Variants in MED22 observed in about 807,000 individuals in gnomAD.
MED22 encodes mediator complex subunit 22, also known as mediator of RNA polymerase II transcription subunit 22.
In MED22, 22 loss-of-function variants were observed where a neutral mutation model predicts 22.7. The ratio of observed to expected loss-of-function variants is 0.97; its 90% CI spans 0.69 to 1.38. The LOEUF is 1.38. Among genes scored for constraint, MED22 ranks in the 40% most tolerant of loss-of-function variants. The pLI, the probability that MED22 is intolerant of heterozygous loss-of-function variation, is 0.00. For synonymous variants in MED22, 134 were observed against 119.4 expected, an observed-to-expected ratio of 1.12 and a Z score of -0.80; for missense variants, 247 against 263.0, an observed-to-expected ratio of 0.94 and a Z score of 0.42.
Position 133,344,298 on chromosome 9 carries a change from G to A in MED22, c.240C>T (p.Ser80=), listed in dbSNP as rs2129961312. 3.3e-5 allele frequency: 54 copies of A among 1,614,046 alleles called. No homozygotes were observed. The Admixed American group carries it at 8.0e-4, about 24-fold the overall frequency. Residue 80 remains serine (S), a synonymous_variant, in exon 4 of 5, where the codon TCC becomes TCT. Transcript: ENST00000343730. ...RAGESLMKLV[S]DLKQFLILND... ...TGAGGATCAGGAACTGCTTGAGGTC[G>A]GACACCAGCTTCATCAGGGACTCGC...
chr9:133,343,497 C>G, intron 4 of MED22: 1 of 1,235,938 alleles, frequency 8.1e-7, no homozygotes, highest in Admixed American at 4.0e-5. Context: ...CTTCTGCATC[C>G]CTGGGACCCA....
Position 133,341,338 on chromosome 9 carries a change from C to T in MED22, c.*167G>A. 1.6e-6 allele frequency: 1 copy of T among 627,274 alleles called. No individual in the cohort carries two copies. The highest frequency in any genetic ancestry group is 2.5e-6 in the Non-Finnish European group (1 of 395,916). 38.9% of individuals were successfully genotyped at this position (627,274 alleles called of 1,614,324 possible). On this transcript the variant is annotated 3_prime_UTR_variant, in exon 5 of 5. Transcript: ENST00000343730. ...AGGGAAACAACTGTTTCCCTACTGT[C>T]CTGGCGGGACCCACCCTGGGCTAAC...
chr9:133,343,710 C>G (rs1481456194), intron 4 of MED22: 1 of 1,294,942 alleles, frequency 7.7e-7, no homozygotes, highest in African/African-American at 1.5e-5. Flanking sequence ...AGGTGTGGAC[C>G]TGACTGCCCA....
chr9:133,347,974 G>A lies in MED22; in HGVS notation c.-91C>T. 1 of 492,360 alleles carries A rather than the reference G, an allele frequency of 2.0e-6. No individual in the cohort carries two copies. Among genetic ancestry groups the A allele is most frequent in the South Asian group, 2.1e-5 (1 of 48,720 alleles). 30.5% of individuals were successfully genotyped at this position (492,360 alleles called of 1,614,324 possible). On this transcript the variant is annotated 5_prime_UTR_variant, in exon 1 of 5. Transcript: ENST00000343730. ...CGCGTCCGCCGGGTCGGCCTAGGGC[G>A]GGGTGGTCAAGTGCCTCTGCGACCC...
rs890142010 is a variant in MED22 at position 133,340,356 on chromosome 9, C to T, written c.*1149G>A. On this transcript the variant is annotated 3_prime_UTR_variant, in exon 5 of 5. Coordinates refer to ENST00000343730, the MANE Select transcript of MED22 (RefSeq NM_133640.5). ...TCCCCAAGGCTGGATCCTGGGCTGT[C>T]ACCTCATTCATACATCGGGAAAGAT... 2.6e-5 allele frequency: 4 copies of T among 152,156 alleles called. No individual in the cohort carries two copies. The highest frequency in any genetic ancestry group is 5.9e-5 in the Non-Finnish European group (4 of 68,138). 9.4% of individuals were successfully genotyped at this position (152,156 alleles called of 1,614,324 possible).
chr9:133,342,772 G>A (rs2129954844), intron 4 of MED22: 44 of 985,754 alleles, frequency 4.5e-5, no homozygotes, highest in Admixed American at 1.8e-4. Context: ...GTGAAGCTGA[G>A]GGACTGTTGG....
intron 3 of MED22, 143 bp from the exon 4 acceptor site, chr9:133,344,476 A>G: frequency 1.3e-6 from 1 of 761,672 alleles, no homozygotes; most frequent in Non-Finnish European, 2.2e-6. Context: ...CCTGACCTCC[A>G]CAGGTTCATG....
chr9:133,344,356 G>T, intron 3 of MED22, 23 bp from the exon 4 acceptor site: 1 of 1,612,852 alleles, frequency 6.2e-7, no homozygotes, highest in South Asian at 1.1e-5. Flanking sequence ...GAACCAGGGC[G>T]GGCACAGGGT....
Position 133,341,096 on chromosome 9 carries a change from G to A in MED22, c.*409C>T, listed in dbSNP as rs1013137442. 6.2e-6 allele frequency: 1 copy of A among 162,346 alleles called. No homozygotes were observed. Among genetic ancestry groups the A allele is most frequent in the East Asian group, 1.8e-4 (1 of 5,640 alleles). 10.1% of individuals were successfully genotyped at this position (162,346 alleles called of 1,614,324 possible). On this transcript the variant is annotated 3_prime_UTR_variant, in exon 5 of 5. Transcript: ENST00000343730. ...GGCTCTGCACAGGAACGCTGGCCTC[G>A]GGATGGGAGACCCGGCCTGCCCAAC... is the stretch of plus-strand genomic sequence containing the variant.
intron 4 of MED22, chr9:133,342,745 C>T (rs1184029193): frequency 5.1e-6 from 5 of 985,738 alleles, no homozygotes; most frequent in Non-Finnish European, 6.0e-6. Flanking sequence ...CACAGGCTGG[C>T]CTGGAAGCCC....
At position 133,341,431 on chromosome 9, in the gene MED22, G is replaced by A. The variant is rs1836000954; in HGVS notation, c.*74C>T. 2 of 1,395,984 alleles carry A rather than the reference G, an allele frequency of 1.4e-6. No homozygotes were observed. The highest frequency in any genetic ancestry group is 1.9e-6 in the Non-Finnish European group (2 of 1,074,046). The allele number at this position is 1,395,984 out of a possible 1,614,324, so 86.5% of individuals were successfully genotyped here. Reference sequence around the variant, plus strand: ...CCCCAAATGGGAACCTAGGCTGAGAGAAGCAAGGCTGTGAGGGCATCCAAA... The same window carrying A: ...CCCCAAATGGGAACCTAGGCTGAGAAAAGCAAGGCTGTGAGGGCATCCAAA... On this transcript the variant is annotated 3_prime_UTR_variant, in exon 5 of 5. Transcript: ENST00000343730.
chr9:133,345,748 C>A (rs1311570834), intron 2 of MED22, among the ~76,000 whole-genome samples: 1 of 152,208 alleles, frequency 6.6e-6, no homozygotes, highest in Non-Finnish European at 1.5e-5. Context: ...CCTGCCACCC[C>A]TGGTGTATAG....
intron 1 of MED22, 135 bp from the exon 2 acceptor site, chr9:133,346,835 G>T: frequency 2.4e-6 from 2 of 838,648 alleles, no homozygotes; most frequent in Non-Finnish European, 3.6e-6. Flanking sequence ...AAACACAGAT[G>T]AACTCATTCC....
intron 4 of MED22, chr9:133,343,870 C>T (rs1836089179): frequency 7.0e-7 from 1 of 1,418,862 alleles, no homozygotes; most frequent in African/African-American, 1.4e-5. Context: ...CTTCTCCAGA[C>T]TCGGCCTATC....
Position 133,344,339 on chromosome 9 carries a change from G to A in MED22, c.205-6C>T, listed in dbSNP as rs1836118059. On this transcript the variant is annotated splice_polypyrimidine_tract_variant and splice_region_variant and intron_variant, in intron 3 of 4. Transcript: ENST00000343730. ...AGGGACTCGCCGGCTCGGACCTGTG[G>A]CCATCAGAACCAGGGCGGGCACAGG... 1 of 1,613,756 alleles carries A rather than the reference G, an allele frequency of 6.2e-7. No individual in the cohort carries two copies. Among genetic ancestry groups the A allele is most frequent in the Non-Finnish European group, 8.5e-7 (1 of 1,179,946 alleles).
At chr9:133,342,287 G>T in intron 4 of MED22, 1 of 986,158 alleles carries the variant, frequency 1.0e-6, no homozygotes, top group East Asian at 1.1e-4. Flanking sequence ...GGATGCAGGT[G>T]AAGAGCTCAG....
rs140946210 is a variant in MED22 at position 133,346,261 on chromosome 9, G to A, written c.123+279C>T. The A allele has an allele frequency of 1.1e-3, 408 of 363,724 alleles. 2 individuals carry two copies. The highest frequency in any genetic ancestry group is 7.5e-3 in the African/African-American group (355 of 47,606). The allele number at this position is 363,724 out of a possible 1,614,324, so 22.5% of individuals were successfully genotyped here. ...GCTCATTGGCTGTGTGCCAGGCCCC[G>A]AGGTAACTGTTTTACACAGATAAAC... On this transcript the variant is annotated intron_variant, in intron 2 of 4. Transcript: ENST00000343730.
rs922145628 is a variant in MED22, at chr9:133,341,977, A to C, written c.414-283T>G. 11 of 1,230,574 alleles carry C rather than the reference A, an allele frequency of 8.9e-6. No homozygotes were observed. The African/African-American group carries it at 1.8e-4, about 20-fold the overall frequency. 76.2% of individuals were successfully genotyped at this position (1,230,574 alleles called of 1,614,324 possible). A position where few individuals can be genotyped will look rare whatever the true frequency, so the allele number is the denominator to read the frequency against. On this transcript the variant is annotated intron_variant, in intron 4 of 4. Coordinates refer to ENST00000343730, the MANE Select transcript of MED22 (RefSeq NM_133640.5). ...AGCAGGCCCTTCCTGCCCAGCCTCC[A>C]CGTGGGCCTGTCCTAGCCTATGCCT... is the stretch of plus-strand genomic sequence containing the variant.
At position 133,338,681 on chromosome 9, in the gene MED22, A is replaced by G. The variant is rs1835943197; in HGVS notation, c.*2824T>C. The G allele has an allele frequency of 7.6e-6, 2 of 261,792 alleles. No individual in the cohort carries two copies. Among genetic ancestry groups the G allele is most frequent in the South Asian group, 4.2e-5 (1 of 23,950 alleles). The allele number at this position is 261,792 out of a possible 1,614,324, so 16.2% of individuals were successfully genotyped here. A position where few individuals can be genotyped will look rare whatever the true frequency, so the allele number is the denominator to read the frequency against. On this transcript the variant is annotated 3_prime_UTR_variant, in exon 5 of 5. Transcript: ENST00000343730. The stretch of plus-strand genomic sequence containing the variant: ...GGTCTGGAAATCCCGACCTCAGGTG[A>G]TCCGCCCGCCTTGGCCTCCCAAAGT...
Sources: allele counts gnomAD v4.1 joint callset (sites outside exome capture counted in the v4.1 genomes callset), GRCh38; gene constraint gnomAD v4.1.1; transcripts MANE v1.5; gene names NCBI Gene and HGNC (gene_info 2026-07-23, HGNC 2026-07-21).